ATP7A: variants seen among roughly 807,000 people sequenced by gnomAD.
The protein encoded by ATP7A is copper-transporting ATPase 1.
Under a neutral mutation model 83.5 loss-of-function variants are expected in ATP7A, and 7 were observed. The ratio of observed to expected loss-of-function variants is 0.08; its 90% CI spans 0.05 to 0.16. The LOEUF (loss-of-function observed/expected upper bound fraction) is 0.16. Among genes scored for constraint, ATP7A ranks in the 10% least tolerant of loss-of-function variants. ATP7A has a pLI of 1.00. For missense variants in ATP7A, 940 were observed against 1,120.8 expected, an observed-to-expected ratio of 0.84 and a Z score of 2.30; for synonymous variants, 354 against 395.2, an observed-to-expected ratio of 0.90 and a Z score of 1.24.
chrX:77,989,627 A>G lies in ATP7A; in HGVS notation c.1005A>G (p.Ile335Met), dbSNP rs2149083240. ...CTCCAGAATCCCTGAGAAAAGCAAT[A>G]GAGGCTGTATCACCGGGGCTATATA... Reference protein sequence around the residue: ...SVTPESLRKAIEAVSPGLYRV... With the variant: ...SVTPESLRKAMEAVSPGLYRV... The change falls in exon 4 of 23, where the codon ATA becomes ATG. Residue 335 changes from isoleucine to methionine, a missense_variant. Transcript: ENST00000341514. The G allele has an allele frequency of 5.0e-6, 6 of 1,211,985 alleles. 1 individual carries two copies. The Middle Eastern group carries it at 9.2e-4, about 186-fold the overall frequency.
intron 18 of ATP7A, among the ~76,000 whole-genome samples, chrX:78,039,483 C>A (rs1228460593): frequency 1.8e-5 from 2 of 110,895 alleles, no homozygotes; most frequent in African/African-American, 6.6e-5. Flanking sequence ...CAGGCGCGCA[C>A]CACCATGCCC....
At chrX:78,001,009 A>G (rs782445122) in intron 5 of ATP7A, among the ~76,000 whole-genome samples, 1 of 112,226 alleles carries the variant, frequency 8.9e-6, no homozygotes, top group East Asian at 2.8e-4. Flanking sequence ...TTCTTATTAT[A>G]GTTTGAAGAG....
intron 2 of ATP7A, among the ~76,000 whole-genome samples, chrX:77,977,686 A>G (rs2077583796): frequency 8.9e-6 from 1 of 112,537 alleles, no homozygotes; most frequent in Non-Finnish European, 1.9e-5. Context: ...ATGCAATTGA[A>G]TTTTGATTAC....
At chrX:77,951,201 T>G (rs2149060755) in intron 1 of ATP7A, among the ~76,000 whole-genome samples, 1 of 112,097 alleles carries the variant, frequency 8.9e-6, no homozygotes, top group South Asian at 3.6e-4. Context: ...ACACAAAATT[T>G]TAAAATTTCA....
intron 10 of ATP7A, among the ~76,000 whole-genome samples, chrX:78,014,134 G>A (rs972091275): frequency 9.1e-5 from 10 of 110,393 alleles, no homozygotes; most frequent in African/African-American, 3.0e-4. Flanking sequence ...TAGGCTGGGC[G>A]CGGTGGCTCA....
At chrX:78,036,801 C>T (rs1242561922) in intron 17 of ATP7A, among the ~76,000 whole-genome samples, 3 of 110,866 alleles carry the variant, frequency 2.7e-5, no homozygotes, top group African/African-American at 6.6e-5. Flanking sequence ...GAGAATCTTG[C>T]GGGGATTCGG....
intron 1 of ATP7A, among the ~76,000 whole-genome samples, chrX:77,911,239 A>T (rs1406393971): frequency 8.9e-6 from 1 of 112,688 alleles, no homozygotes; most frequent in Non-Finnish European, 1.9e-5. Context: ...ATAATTGAAA[A>T]ATAGATATTT....
intron 17 of ATP7A, among the ~76,000 whole-genome samples, chrX:78,036,643 G>A (rs1569550261): frequency 1.8e-5 from 2 of 111,655 alleles, no homozygotes; most frequent in Non-Finnish European, 3.8e-5. Context: ...CACTTTGGGA[G>A]GCTGAGGCGG....
At chrX:77,962,568 G>T in intron 1 of ATP7A, 1 of 323,027 alleles carries the variant, frequency 3.1e-6, no homozygotes, top group Non-Finnish European at 6.0e-6. Flanking sequence ...CTGACCCTGA[G>T]GTGTTATGAG....
chrX:78,018,929 G>A (rs1242468461), intron 12 of ATP7A, among the ~76,000 whole-genome samples: 1 of 111,137 alleles, frequency 9.0e-6, no homozygotes, highest in Admixed American at 9.6e-5. Flanking sequence ...ATCAGATCTC[G>A]TGAAAACTCA....
At chrX:77,915,440 C>T (rs2077180224) in intron 1 of ATP7A, among the ~76,000 whole-genome samples, 1 of 110,877 alleles carries the variant, frequency 9.0e-6, no homozygotes, top group Admixed American at 9.7e-5. Flanking sequence ...TTTCATACTC[C>T]TCTGTGCCTC....
intron 12 of ATP7A, among the ~76,000 whole-genome samples, chrX:78,019,127 G>T (rs1353978743): frequency 1.8e-5 from 2 of 112,141 alleles, no homozygotes; most frequent in African/African-American, 6.5e-5. Flanking sequence ...ATTATTAGCT[G>T]CTAGAATGCA....
chrX:77,937,868 C>A (rs1164316257), intron 1 of ATP7A, among the ~76,000 whole-genome samples: 1 of 101,127 alleles, frequency 9.9e-6, no homozygotes, highest in African/African-American at 3.6e-5. Context: ...TGGGATGGTT[C>A]TCTCTCTCTC....
intron 1 of ATP7A, among the ~76,000 whole-genome samples, chrX:77,931,012 T>TA (rs1459246083): frequency 2.8e-4 from 28 of 101,112 alleles, no homozygotes; most frequent in East Asian, 1.2e-3. Flanking sequence ...TTTTTACCTT[T>TA]TTTTTTATTT....
Position 77,988,287 on chromosome X carries a change from C to T in ATP7A, c.166C>T (p.Leu56=), listed in dbSNP as rs2149082544. The change falls in exon 3 of 23, where the codon CTA becomes TTA. Residue 56 remains leucine (L), a synonymous_variant. Transcript: ENST00000341514. ...KNATIIYDPK[L]QTPKTLQEAI... ...TGCAACTATTATTTATGACCCTAAA[C>T]TACAGACTCCAAAGACCCTACAGGA... is the stretch of plus-strand genomic sequence containing the variant. 1 of 1,200,015 alleles carries T rather than the reference C, an allele frequency of 8.3e-7. No homozygotes were observed. Among genetic ancestry groups the T allele is most frequent in the Non-Finnish European group, 1.1e-6 (1 of 890,515 alleles).
intron 22 of ATP7A, among the ~76,000 whole-genome samples, chrX:78,045,794 C>T (rs782710897): frequency 1.8e-5 from 2 of 111,523 alleles, no homozygotes; most frequent in African/African-American, 6.5e-5. Context: ...ACCAGTCTGG[C>T]CAATATGGTG....
intron 15 of ATP7A, 149 bp from the exon 16 acceptor site, chrX:78,031,251 A>G: frequency 7.6e-6 from 4 of 528,817 alleles, no homozygotes; most frequent in Non-Finnish European, 1.3e-5. Flanking sequence ...ATTTTCCCGA[A>G]GACCATCAGT....
chrX:78,022,571 G>A (rs1253199467), intron 14 of ATP7A, among the ~76,000 whole-genome samples: 5 of 109,889 alleles, frequency 4.6e-5, no homozygotes, highest in African/African-American at 6.6e-5. Context: ...AGGCTGGAGT[G>A]CAGTGGCACG....
At chrX:78,018,368 G>A (rs1287424708) in intron 12 of ATP7A, among the ~76,000 whole-genome samples, 1 of 109,992 alleles carries the variant, frequency 9.1e-6, no homozygotes, top group Non-Finnish European at 1.9e-5. Flanking sequence ...GCCAGGTGTG[G>A]TGGAGCATGC....
Sources: allele counts gnomAD v4.1 joint callset (sites outside exome capture counted in the v4.1 genomes callset), GRCh38; gene constraint gnomAD v4.1.1; transcripts MANE v1.5; gene names NCBI Gene and HGNC (gene_info 2026-07-23, HGNC 2026-07-21).